KALRN: variants seen among roughly 807,000 people sequenced by gnomAD.
KALRN encodes kalirin.
KALRN carries 70 observed loss-of-function variants against 353.7 expected under a neutral mutation model. The ratio of observed to expected loss-of-function variants is 0.20; its 90% CI spans 0.16 to 0.24. The LOEUF is 0.24. KALRN is among the 10% of genes least tolerant of loss of function. KALRN has a pLI of 1.00. For synonymous variants in KALRN, 1,391 were observed against 1,434.8 expected (o/e 0.97, Z 0.69); for missense variants, 2,791 against 3,756.7 (o/e 0.74, Z 6.72).
At chr3:124,235,029 G>A in intron 3 of KALRN, 86 bp downstream of exon 3, 1 of 874,946 alleles carries the variant, frequency 1.1e-6, no homozygotes, top group Non-Finnish European at 1.8e-6. Flanking sequence ...TCCCTGCCAG[G>A]GACCCTAGTG....
At chr3:124,243,676 G>A (rs2080778943) in intron 3 of KALRN, among the ~76,000 whole-genome samples, 1 of 152,148 alleles carries the variant, frequency 6.6e-6, no homozygotes, top group Non-Finnish European at 1.5e-5. Flanking sequence ...ATTATGTAGG[G>A]TATTCCAGTC....
intron 1 of KALRN, among the ~76,000 whole-genome samples, chr3:124,207,325 G>T (rs1176576917): frequency 2.0e-5 from 3 of 152,230 alleles, no homozygotes; most frequent in Non-Finnish European, 4.4e-5. Context: ...GACAGGTGGG[G>T]TTTCAGAGCA....
At chr3:124,613,496 G>A (rs1454333516) in intron 34 of KALRN, among the ~76,000 whole-genome samples, 1 of 152,198 alleles carries the variant, frequency 6.6e-6, no homozygotes, top group Non-Finnish European at 1.5e-5. Context: ...TCTGCCCAAA[G>A]GCAGGGGATG....
At chr3:124,168,080 G>C (rs928674542) in intron 1 of KALRN, among the ~76,000 whole-genome samples, 6 of 152,142 alleles carry the variant, frequency 3.9e-5, no homozygotes, top group Non-Finnish European at 8.8e-5. Context: ...TTGCTGAAAA[G>C]GTTTTTGGTT....
intron 1 of KALRN, among the ~76,000 whole-genome samples, chr3:124,218,328 G>A (rs2077547056): frequency 6.6e-6 from 1 of 152,186 alleles, no homozygotes; most frequent in Admixed American, 6.5e-5. Flanking sequence ...GGACTGAGAT[G>A]AGGGTCCCAA....
At chr3:124,247,296 C>A (rs2070429876) in intron 3 of KALRN, among the ~76,000 whole-genome samples, 1 of 152,158 alleles carries the variant, frequency 6.6e-6, no homozygotes, top group African/African-American at 2.4e-5. Context: ...ATTTTCCAAG[C>A]TTTACTGTTT....
chr3:124,140,039 C>T (rs986240482), intron 1 of KALRN, among the ~76,000 whole-genome samples: 1 of 152,168 alleles, frequency 6.6e-6, no homozygotes, highest in African/African-American at 2.4e-5. Context: ...AGAGTTATCT[C>T]TCTTGTGACT....
chr3:124,483,128 C>A (rs552740570), intron 28 of KALRN, among the ~76,000 whole-genome samples: 1 of 152,338 alleles, frequency 6.6e-6, no homozygotes, highest in East Asian at 1.9e-4. Context: ...TGACTATTTT[C>A]TCATCTACCT....
intron 30 of KALRN, 31 bp from the exon 31 acceptor site, chr3:124,491,292 C>T: frequency 6.7e-7 from 1 of 1,503,440 alleles, no homozygotes; most frequent in Non-Finnish European, 9.0e-7. Context: ...CCTCCCCTTC[C>T]CCGCCTCTCA....
chr3:124,477,421 C>A (rs2061530877), intron 27 of KALRN, 87 bp downstream of exon 27: 3 of 1,036,506 alleles, frequency 2.9e-6, no homozygotes, highest in Admixed American at 4.0e-5. Flanking sequence ...ATTTAGCTAT[C>A]CTTTTTTCCT....
At chr3:124,558,607 G>A (rs1257956845) in intron 33 of KALRN, among the ~76,000 whole-genome samples, 3 of 152,210 alleles carry the variant, frequency 2.0e-5, no homozygotes, top group Non-Finnish European at 4.4e-5. Flanking sequence ...CAATCATTTA[G>A]CTCTCTCTGC....
At chr3:124,566,735 A>C (rs67960564) in intron 34 of KALRN, among the ~76,000 whole-genome samples, 13,821 of 152,166 alleles carry the variant, frequency 0.091, 823 homozygotes, top group Non-Finnish European at 0.12. Context: ...TTCTTCTCTC[A>C]GCAGTAATTT....
chr3:124,368,832 G>A (rs1161113871), intron 10 of KALRN, among the ~76,000 whole-genome samples: 2 of 152,220 alleles, frequency 1.3e-5, no homozygotes, highest in African/African-American at 2.4e-5. Context: ...GGCCGAGGCT[G>A]GCGGATCACT....
At chr3:124,481,504 G>A (rs555530387) in intron 27 of KALRN, among the ~76,000 whole-genome samples, 20 of 152,236 alleles carry the variant, frequency 1.3e-4, no homozygotes, top group East Asian at 1.2e-3. Context: ...ACCATGCCCC[G>A]CCTGTTTTTT....
rs139569950 is a variant in KALRN at position 124,246,413 on chromosome 3, C to T, written c.263+11470C>T. Among the ~76,000 whole-genome samples, 304 of 152,282 alleles carry T rather than the reference C, an allele frequency of 2.0e-3. 1 individual carries two copies. Among genetic ancestry groups the T allele is most frequent in the Non-Finnish European group, 1.1e-3 (72 of 68,010 alleles). ...ACTAATATGGCCCCTTAACAGGGAG[C>T]GCACATTAAAGTTAGGATCTGATAT... On this transcript the variant is annotated intron_variant, in intron 3 of 59. Transcript: ENST00000682506.
At chr3:124,061,402 A>G (rs531856884) in intron 1 of KALRN, among the ~76,000 whole-genome samples, 2 of 152,334 alleles carry the variant, frequency 1.3e-5, no homozygotes, top group East Asian at 1.9e-4. Context: ...TGTCAGTGAC[A>G]GAGCCAAGTT....
intron 33 of KALRN, among the ~76,000 whole-genome samples, chr3:124,534,443 T>A (rs1369988083): frequency 1.3e-5 from 2 of 152,142 alleles, no homozygotes; most frequent in Admixed American, 6.6e-5. Flanking sequence ...AAAACCTAGA[T>A]GATGGGTTGA....
intron 34 of KALRN, among the ~76,000 whole-genome samples, chr3:124,628,148 C>A (rs1181721000): frequency 3.2e-4 from 19 of 58,518 alleles, no homozygotes; most frequent in African/African-American, 1.9e-3. Context: ...ATCCTCCCTC[C>A]CTCCCTCCCT....
intron 1 of KALRN, among the ~76,000 whole-genome samples, chr3:124,114,849 A>G (rs569265314): frequency 3.7e-4 from 57 of 152,340 alleles, no homozygotes; most frequent in African/African-American, 1.4e-3. Flanking sequence ...GGTGAAGGCT[A>G]GGAAACTCAA....
Sources: gnomAD v4.1 joint callset for allele counts (sites outside exome capture counted in the v4.1 genomes callset) on GRCh38, gnomAD v4.1.1 for gene constraint, MANE v1.5 for transcripts, NCBI Gene and HGNC (gene_info 2026-07-23, HGNC 2026-07-21) for gene names.